The following NRG4 variants were observed in gnomAD, a reference collection of about 807,000 sequenced individuals.
NRG4 encodes the protein neuregulin 4, also known as pro-neuregulin-4, membrane-bound isoform.
In NRG4, 10 loss-of-function variants were observed where a neutral mutation model predicts 15.0. The ratio of observed to expected loss-of-function variants is 0.67; its 90% CI spans 0.41 to 1.13. NRG4 has a LOEUF of 1.13. Among genes scored for constraint, NRG4 ranks in the 50% most tolerant of loss-of-function variants. The pLI is 0.00. For missense variants in NRG4, 139 were observed against 140.2 expected, an observed-to-expected ratio of 0.99 and a Z score of 0.04; for synonymous variants, 41 against 50.1, an observed-to-expected ratio of 0.82 and a Z score of 0.77.
chr15:76,050,428 C>T lies in NRG4; in HGVS notation c.-105+1639G>A, dbSNP rs888868525. 3.4e-4 allele frequency among the ~76,000 whole-genome samples: 50 copies of T among 145,614 alleles called. 2 individuals are homozygous for T. The highest frequency in any genetic ancestry group is 8.6e-4 in the African/African-American group (33 of 38,314). ...TACTGGAAAAGCATTATTGTCACCC[C>T]GAGCCTTCGTTTTTTTTTTTTTTTT... On this transcript the variant is annotated intron_variant, in intron 4 of 8. Coordinates refer to the NRG4 transcript ENST00000563910.
chr15:76,059,863 G>C (rs2036254047), upstream of NRG4: 1 of 145,214 alleles, frequency 6.9e-6, no homozygotes, highest in African/African-American at 2.5e-5. Flanking sequence ...CCGCCGGCGC[G>C]AGGCCTCGCG....
chr15:75,970,088 G>A (rs2033020773), intron 3 of NRG4, among the ~76,000 whole-genome samples: 1 of 152,116 alleles, frequency 6.6e-6, no homozygotes, highest in Non-Finnish European at 1.5e-5. Context: ...TATCTAATAA[G>A]AGTGCCACGA....
intron 4 of NRG4, among the ~76,000 whole-genome samples, chr15:75,959,314 C>T (rs1334981984): frequency 1.3e-5 from 2 of 152,116 alleles, no homozygotes; most frequent in African/African-American, 2.4e-5. Flanking sequence ...TCACTCTCAA[C>T]AATTCCCAGT....
At chr15:75,955,418 T>C (rs1007748782) in intron 5 of NRG4, among the ~76,000 whole-genome samples, 2 of 152,240 alleles carry the variant, frequency 1.3e-5, no homozygotes, top group Admixed American at 1.3e-4. Flanking sequence ...GATAGCAATG[T>C]CTTCATATAT....
Position 76,026,243 on chromosome 15 carries a change from T to C in NRG4, c.-57+9701A>G, listed in dbSNP as rs148074505. Among the ~76,000 whole-genome samples the C allele has an allele frequency of 3.6e-3, 554 of 152,272 alleles. 1 individual carries two copies. Among genetic ancestry groups the C allele is most frequent in the Middle Eastern group, 6.8e-3 (2 of 294 alleles). Reference sequence around the variant, plus strand: ...CTAAACAAGTCCTCTTCAATGCACATTACAGTCAAATTATCAAAAGTCAAA... The same window carrying C: ...CTAAACAAGTCCTCTTCAATGCACACTACAGTCAAATTATCAAAAGTCAAA... On this transcript the variant is annotated intron_variant, in intron 5 of 8. Transcript: ENST00000563910.
chr15:75,972,815 G>A (rs1180253671), intron 3 of NRG4, among the ~76,000 whole-genome samples: 1 of 152,138 alleles, frequency 6.6e-6, no homozygotes, highest in East Asian at 1.9e-4. Flanking sequence ...GATGCCTTCA[G>A]CTTTGTTCTT....
At chr15:76,002,648 A>G (rs1008466690) in intron 3 of NRG4, among the ~76,000 whole-genome samples, 1 of 152,208 alleles carries the variant, frequency 6.6e-6, no homozygotes, top group African/African-American at 2.4e-5. Context: ...AGAAACAGAT[A>G]CACTGTGTAA....
intron 4 of NRG4, chr15:75,959,095 T>A (rs1230305998): frequency 2.6e-6 from 1 of 387,838 alleles, no homozygotes; most frequent in East Asian, 9.4e-5. Flanking sequence ...GATCTTCCCA[T>A]CTCAGCCTCC....
chr15:76,037,510 C>G (rs1404362996), intron 4 of NRG4, among the ~76,000 whole-genome samples: 1 of 152,118 alleles, frequency 6.6e-6, no homozygotes, highest in African/African-American at 2.4e-5. Context: ...TCAGACAAGC[C>G]CTAGCCAGAG....
chr15:76,013,184 A>T (rs1459255699), upstream of NRG4, among the ~76,000 whole-genome samples: 2 of 152,218 alleles, frequency 1.3e-5, no homozygotes, highest in Admixed American at 1.3e-4. Context: ...TTTTAAGAAA[A>T]TATTAAAATA....
intron 4 of NRG4, among the ~76,000 whole-genome samples, chr15:76,041,528 G>T (rs1208773055): frequency 1.3e-5 from 2 of 152,042 alleles, no homozygotes; most frequent in Admixed American, 6.6e-5. Context: ...AAAGAGGAGT[G>T]CTATACTTAT....
chr15:76,001,263 C>T (rs1050748878), intron 3 of NRG4, among the ~76,000 whole-genome samples: 1 of 152,108 alleles, frequency 6.6e-6, no homozygotes, highest in Non-Finnish European at 1.5e-5. Context: ...TCCCAAAGTG[C>T]TGGGACTACA....
At chr15:75,951,378 G>A (rs566598915) in intron 5 of NRG4, among the ~76,000 whole-genome samples, 1 of 151,892 alleles carries the variant, frequency 6.6e-6, no homozygotes. Flanking sequence ...ATGTTGGCCA[G>A]GCTGATCTTG....
At chr15:75,953,405 C>T (rs1808068056) in intron 5 of NRG4, among the ~76,000 whole-genome samples, 1 of 152,166 alleles carries the variant, frequency 6.6e-6, no homozygotes, top group African/African-American at 2.4e-5. Context: ...CACTACTTTG[C>T]CTTGATTACT....
chr15:76,010,816 G>GTGTCC (rs1479428302), intron 2 of NRG4, among the ~76,000 whole-genome samples: 1 of 152,080 alleles, frequency 6.6e-6, no homozygotes, highest in African/African-American at 2.4e-5. Context: ...GCTAAGATTA[G>GTGTCC]TGTCCTTGTT....
chr15:76,023,130 CCACACACACACACA>C (rs10572540), intron 5 of NRG4, among the ~76,000 whole-genome samples: 1,706 of 120,172 alleles, frequency 0.014, 15 homozygotes, highest in Middle Eastern at 0.038. Context: ...CACCCATACT[CCACACACACACACA>C]CACACACACA....
intron 5 of NRG4, among the ~76,000 whole-genome samples, chr15:76,020,427 A>G (rs1238710872): frequency 2.0e-5 from 3 of 152,228 alleles, no homozygotes; most frequent in Non-Finnish European, 2.9e-5. Flanking sequence ...TGATAAAATG[A>G]AACAGCCTTA....
At chr15:75,992,801 A>G (rs2034067692) in intron 3 of NRG4, among the ~76,000 whole-genome samples, 1 of 152,200 alleles carries the variant, frequency 6.6e-6, no homozygotes, top group Non-Finnish European at 1.5e-5. Flanking sequence ...TTGACTTAGC[A>G]TAATGTTTGT....
At chr15:75,969,745 G>A (rs960074268) in intron 3 of NRG4, among the ~76,000 whole-genome samples, 3 of 152,208 alleles carry the variant, frequency 2.0e-5, no homozygotes, top group African/African-American at 7.2e-5. Flanking sequence ...CAAGAAAGAT[G>A]TATCAGTTGT....
Sources: gnomAD v4.1 joint callset for allele counts (sites outside exome capture counted in the v4.1 genomes callset) on GRCh38, gnomAD v4.1.1 for gene constraint, MANE v1.5 for transcripts, NCBI Gene and HGNC (gene_info 2026-07-23, HGNC 2026-07-21) for gene names.